Variants in KLF10 observed in about 807,000 individuals in gnomAD.
KLF10 encodes KLF transcription factor 10.
KLF10 carries 17 observed loss-of-function variants against 31.6 expected under a neutral mutation model. The ratio of observed to expected loss-of-function variants is 0.54; its 90% confidence interval spans 0.37 to 0.81. The LOEUF (loss-of-function observed/expected upper bound fraction) is 0.81, where lower values mean the gene tolerates loss of function less well. Ranked by LOEUF, KLF10 falls within the 30% of genes least tolerant of loss-of-function variation. The pLI, the probability that KLF10 is intolerant of heterozygous loss-of-function variation, is 0.00. For synonymous variants in KLF10, 239 were observed against 215.1 expected, an observed-to-expected ratio of 1.11 and a Z score of -0.97; for missense variants, 525 against 598.1, an observed-to-expected ratio of 0.88 and a Z score of 1.27.
chr8:102,653,787 G>A, intron 1 of KLF10: 2 of 1,072,600 alleles, frequency 1.9e-6, no homozygotes, highest in Non-Finnish European at 1.1e-6. Flanking sequence ...GAAAGAGAGC[G>A]TGAGCTGGGA....
rs1024733460 is a variant in KLF10 at position 102,648,955 on chromosome 8, A to C, written c.*1177T>G. ...TACAAAAACAATGTTAAATGGGAAG[A>C]TATAGTGACATTTTTCACTATATAT... On this transcript the variant is annotated 3_prime_UTR_variant, in exon 4 of 4. Coordinates refer to ENST00000285407, the MANE Select transcript of KLF10 (RefSeq NM_005655.4). 2 of 152,656 alleles carry C rather than the reference A, an allele frequency of 1.3e-5. No homozygotes were observed. Among genetic ancestry groups the C allele is most frequent in the Admixed American group, 1.3e-4 (2 of 15,286 alleles). 9.5% of individuals were successfully genotyped at this position (152,656 alleles called of 1,614,324 possible).
At chr8:102,652,699 C>A (rs1016873770) in intron 1 of KLF10, among the ~76,000 whole-genome samples, 1 of 151,998 alleles carries the variant, frequency 6.6e-6, no homozygotes, top group African/African-American at 2.4e-5. Context: ...ACACCTACTA[C>A]CATTAAGGGG....
At chr8:102,653,980 G>A in intron 1 of KLF10, 1 of 985,566 alleles carries the variant, frequency 1.0e-6, no homozygotes, top group Non-Finnish European at 1.2e-6. Flanking sequence ...TCACGGGTGA[G>A]TCACTGGGAA....
chr8:102,653,413 C>G, intron 1 of KLF10: 1 of 1,427,746 alleles, frequency 7.0e-7, no homozygotes, highest in South Asian at 1.4e-5. Context: ...GTAGAACTAC[C>G]TAATGTTTTA....
At chr8:102,654,697 G>A (rs1432340632) in intron 1 of KLF10, among the ~76,000 whole-genome samples, 1 of 151,688 alleles carries the variant, frequency 6.6e-6, no homozygotes, top group Non-Finnish European at 1.5e-5. Flanking sequence ...CGTCTCCACG[G>A]GTTCCCAGAC....
rs751028873 is a variant in KLF10, at chr8:102,651,940, G to T, written c.392C>A (p.Ala131Asp). The T allele has an allele frequency of 6.2e-7, 1 of 1,614,078 alleles. No individual in the cohort carries two copies. Among genetic ancestry groups the T allele is most frequent in the Non-Finnish European group, 8.5e-7 (1 of 1,180,032 alleles). Residue 131 changes from alanine to aspartate, a missense_variant, in exon 3 of 4, where the codon GCC becomes GAC. Coordinates refer to ENST00000285407, the MANE Select transcript of KLF10 (RefSeq NM_005655.4). ...SLSDTAKPHI[A>D]APFKEEEKSP... ...CTTTTCTTCCTCTTTGAAAGGTGCGGCAATGTGAGGTTTGGCAGTATCTGA... is the reference window on the plus strand; with the variant it reads ...CTTTTCTTCCTCTTTGAAAGGTGCGTCAATGTGAGGTTTGGCAGTATCTGA...
chr8:102,651,039 C>G, intron 3 of KLF10, 110 bp downstream of exon 3: 1 of 1,033,530 alleles, frequency 9.7e-7, no homozygotes. Context: ...TAAATACCAT[C>G]CTCTAAACTA....
chr8:102,652,509 C>A, intron 1 of KLF10, 112 bp from the exon 2 acceptor site: 1 of 591,050 alleles, frequency 1.7e-6, no homozygotes, highest in Non-Finnish European at 2.9e-6. Context: ...CACAACTTTC[C>A]AAATTAAAAT....
In KLF10 at chr8:102,652,361, CT is replaced by C; in HGVS notation, c.72del (p.Glu25ArgfsTer18). The C allele has an allele frequency of 1.2e-6, 2 of 1,604,362 alleles. No homozygotes were observed. Among genetic ancestry groups the C allele is most frequent in the Non-Finnish European group, 8.5e-7 (1 of 1,173,718 alleles). On this transcript the variant is annotated frameshift_variant, in exon 2 of 4. Coordinates refer to ENST00000285407, the MANE Select transcript of KLF10 (RefSeq NM_005655.4). LOFTEE classifies it high-confidence loss of function. Reference sequence around the variant, plus strand: ...GTTTTGTTCCAGGAATACATACTCTCTTTTGGCCTTTCAGAAATCATTTCCA... The same window carrying C: ...GTTTTGTTCCAGGAATACATACTCTCTTTGGCCTTTCAGAAATCATTTCCA... The part of the protein sequence containing the change: ...ERMEMISERP[K>X]ESMYSWNKTA...
intron 1 of KLF10, chr8:102,653,958 C>A (rs1249859054): frequency 3.0e-6 from 3 of 986,784 alleles, no homozygotes; most frequent in Non-Finnish European, 3.6e-6. Flanking sequence ...GCCGCCCTAA[C>A]CTCAATGAGG....
At chr8:102,653,344 T>C in intron 1 of KLF10, 2 of 821,078 alleles carry the variant, frequency 2.4e-6, no homozygotes. Flanking sequence ...TAGAATCTAT[T>C]TTAATTCCTT....
In KLF10 at chr8:102,652,187, C is replaced by A; in HGVS notation, c.247G>T (p.Asp83Tyr). 1 of 1,599,340 alleles carries A rather than the reference C, an allele frequency of 6.3e-7. No individual in the cohort carries two copies. Among genetic ancestry groups the A allele is most frequent in the South Asian group, 1.1e-5 (1 of 88,650 alleles). The change falls in exon 2 of 4, where the codon GAT becomes TAT. Residue 83 changes from aspartate to tyrosine, a missense_variant. Physicochemically the swap from Asp to Tyr is radical, Grantham distance 160 (BLOSUM62 -3). Around this residue, in one of 3 missense-constraint regions of KLF10, gnomAD observed 434 missense variants for 450.7 expected, o/e 0.96. Coordinates refer to ENST00000285407, the MANE Select transcript of KLF10 (RefSeq NM_005655.4). ...EEENLLPGTP[D>Y]FHTIPAFCLT... Reference sequence around the variant, plus strand: ...ACAAATGCTGGGATTGTATGAAAATCAGGTGTTCCCGGAAGCAGATTCTCT... The same window carrying A: ...ACAAATGCTGGGATTGTATGAAAATAAGGTGTTCCCGGAAGCAGATTCTCT...
intron 2 of KLF10, 43 bp downstream of exon 2, chr8:102,652,121 A>G (rs773751474): frequency 1.4e-6 from 2 of 1,479,644 alleles, no homozygotes; most frequent in South Asian, 2.8e-5. Context: ...AAATTTTAAG[A>G]AATTATATAA....
At chr8:102,653,840 C>T (rs1827281128) in intron 1 of KLF10, 1 of 971,430 alleles carries the variant, frequency 1.0e-6, no homozygotes, top group Non-Finnish European at 1.2e-6. Context: ...GGGAGTGGGG[C>T]GCGAGGCAGG....
chr8:102,655,020 C>G (rs1004863152), intron 1 of KLF10, among the ~76,000 whole-genome samples: 1 of 152,040 alleles, frequency 6.6e-6, no homozygotes, highest in African/African-American at 2.4e-5. Context: ...CCCCCGTCTT[C>G]CAAGCGTGGG....
At chr8:102,651,098 C>T in intron 3 of KLF10, 51 bp downstream of exon 3, 1 of 1,450,586 alleles carries the variant, frequency 6.9e-7, no homozygotes, top group African/African-American at 1.4e-5. Flanking sequence ...TGTGTGATCA[C>T]AGCCAAAATC....
rs1480908686 is a variant in KLF10 at position 102,651,494 on chromosome 8, G to T, written c.838C>A (p.Pro280Thr). The change falls in exon 3 of 4, where the codon CCT becomes ACT. Residue 280 changes from proline (P) to threonine (T), a missense_variant. Physicochemically the swap from Pro to Thr is conservative, Grantham distance 38. Transcript: ENST00000285407. ...MPVICQMVPL[P>T]ANNPVVTTVV... The stretch of plus-strand genomic sequence containing the variant: ...GTTGTCACAACAGGGTTGTTGGCAG[G>T]AAGGGGAACCATCTGGCAGATGACC... 3 of 1,613,918 alleles carry T rather than the reference G, an allele frequency of 1.9e-6. No homozygotes were observed. Among genetic ancestry groups the T allele is most frequent in the Non-Finnish European group, 2.5e-6 (3 of 1,179,880 alleles).
intron 1 of KLF10, chr8:102,653,863 G>T (rs1470583854): frequency 2.1e-6 from 2 of 956,496 alleles, no homozygotes; most frequent in Non-Finnish European, 1.2e-6. Flanking sequence ...AGGGAAGCGC[G>T]GGCGGAGGCG....
At chr8:102,652,115 T>C (rs759182538) in intron 2 of KLF10, 49 bp downstream of exon 2, 4 of 1,477,822 alleles carry the variant, frequency 2.7e-6, no homozygotes, top group Non-Finnish European at 3.6e-6. Context: ...TTATATAAAT[T>C]TTAAGAAATT....
Sources: allele counts gnomAD v4.1 joint callset (sites outside exome capture counted in the v4.1 genomes callset), GRCh38; gene constraint gnomAD v4.1.1; regional missense constraint gnomAD v4.1.1; transcripts MANE v1.5; gene names NCBI Gene and HGNC (gene_info 2026-07-23, HGNC 2026-07-21).